DRD3: variants seen among roughly 807,000 people sequenced by gnomAD.
The protein encoded by DRD3 is dopamine receptor D3.
A neutral mutation model predicts 36.3 loss-of-function variants in DRD3; 19 were observed. The ratio of observed to expected loss-of-function variants is 0.52; its 90% CI spans 0.36 to 0.77. DRD3 has a LOEUF of 0.77. DRD3 is among the 30% of genes least tolerant of loss of function. The pLI is 0.00. For missense variants in DRD3, 465 were observed against 505.3 expected, an observed-to-expected ratio of 0.92 and a Z score of 0.77; for synonymous variants, 195 against 203.7, an observed-to-expected ratio of 0.96 and a Z score of 0.36.
chr3:114,190,644 T>C (rs2078006263), intron 1 of DRD3, among the ~76,000 whole-genome samples: 1 of 151,168 alleles, frequency 6.6e-6, no homozygotes. Context: ...GCAATAGTTA[T>C]ACTAATTTTA....
chr3:114,177,115 CACTTGTTCAGAG>C (rs1347519119), intron 1 of DRD3, among the ~76,000 whole-genome samples: 1 of 152,144 alleles, frequency 6.6e-6, no homozygotes, highest in Non-Finnish European at 1.5e-5. Flanking sequence ...TTTACAATCT[CACTTGTTCAGAG>C]TATGTGAACA....
At position 114,163,668 on chromosome 3, in the gene DRD3, G is replaced by T. The variant is rs1054896518; in HGVS notation, c.271-3801C>A. Among the ~76,000 whole-genome samples, 7 of 152,142 alleles carry T rather than the reference G, an allele frequency of 4.6e-5. No individual in the cohort carries two copies. In the East Asian group the frequency reaches 1.4e-3, roughly 29 times the overall value. On this transcript the variant is annotated intron_variant, in intron 2 of 6. Coordinates refer to ENST00000383673, the MANE Select transcript of DRD3 (RefSeq NM_000796.6). The stretch of plus-strand genomic sequence containing the variant: ...GTCCATCCATTACCCCTATAGCCAT[G>T]GTCTAATGAGTGCCCAAGATATGTC...
intron 1 of DRD3, among the ~76,000 whole-genome samples, chr3:114,187,062 T>C (rs1481840839): frequency 2.0e-5 from 3 of 152,218 alleles, no homozygotes; most frequent in South Asian, 2.1e-4. Flanking sequence ...TGTTTTATTC[T>C]AGGCATTTAG....
intron 5 of DRD3, among the ~76,000 whole-genome samples, chr3:114,133,537 C>T (rs1332813755): frequency 4.1e-5 from 1 of 24,430 alleles, no homozygotes; most frequent in Non-Finnish European, 1.2e-4. Flanking sequence ...AAAGAAAACC[C>T]AGGATTTTCT....
At chr3:114,164,220 C>CAAAAAAAAAAAAAAAA (rs34500434) in intron 2 of DRD3, among the ~76,000 whole-genome samples, 15 of 17,772 alleles carry the variant, frequency 8.4e-4, no homozygotes, top group African/African-American at 1.2e-3. Context: ...GCCTCAGTCT[C>CAAAAAAAAAAAAAAAA]AAAAAAAAAA....
chr3:114,164,019 G>A (rs1225544455), intron 2 of DRD3, among the ~76,000 whole-genome samples: 6 of 151,628 alleles, frequency 4.0e-5, no homozygotes, highest in South Asian at 2.1e-4. Context: ...TCAGGAGTTC[G>A]AGACCAGCCT....
At chr3:114,153,928 T>C (rs2077641677) in intron 3 of DRD3, among the ~76,000 whole-genome samples, 2 of 152,338 alleles carry the variant, frequency 1.3e-5, no homozygotes, top group Non-Finnish European at 2.9e-5. Flanking sequence ...ACATGCTAAA[T>C]AAATGTTAAC....
rs184395397 is a variant in DRD3, at chr3:114,147,230, G to A, written c.526+185C>T. On this transcript the variant is annotated intron_variant, in intron 4 of 6. Transcript: ENST00000383673. ...TACCCCCTGTGCCAATAATTGATGA[G>A]GTTTTGCTTTATATTTTATTTATAA... Among the ~76,000 whole-genome samples the A allele has an allele frequency of 6.3e-4, 95 of 151,974 alleles. 2 individuals are homozygous for A. In the East Asian group the frequency reaches 0.011, roughly 17 times the overall value.
Position 114,171,892 on chromosome 3 carries a change from A to G in DRD3, c.101T>C (p.Leu34Pro). The G allele has an allele frequency of 6.2e-7, 1 of 1,611,768 alleles. No individual in the cohort carries two copies. Among genetic ancestry groups the G allele is most frequent in the Non-Finnish European group, 8.5e-7 (1 of 1,178,732 alleles). Residue 34 changes from leucine to proline, a missense_variant, in exon 2 of 7, where the codon CTC becomes CCC. Transcript: ENST00000383673. ...SQARPHAYYA[L>P]SYCALILAIV... Reference sequence around the variant, plus strand: ...GGCCAGGATGAGCGCGCAGTAGGAGAGGGCATAGTAGGCATGTGGGCGGGC... The same window carrying G: ...GGCCAGGATGAGCGCGCAGTAGGAGGGGGCATAGTAGGCATGTGGGCGGGC...
chr3:114,161,094 A>G (rs2077728085), intron 2 of DRD3, among the ~76,000 whole-genome samples: 3 of 152,106 alleles, frequency 2.0e-5, no homozygotes, highest in African/African-American at 7.2e-5. Context: ...GGCTTTGTGC[A>G]GTTACCAGCT....
chr3:114,144,802 AAGAC>A (rs1438826037), intron 4 of DRD3, among the ~76,000 whole-genome samples: 9 of 152,206 alleles, frequency 5.9e-5, no homozygotes, highest in African/African-American at 1.7e-4. Flanking sequence ...TTAAATGTAA[AAGAC>A]AGAGCGATTG....
At chr3:114,149,875 T>C (rs2077601705) in intron 3 of DRD3, among the ~76,000 whole-genome samples, 1 of 152,184 alleles carries the variant, frequency 6.6e-6, no homozygotes, top group Non-Finnish European at 1.5e-5. Context: ...TGAGTGAGTG[T>C]GGATGAGGAC....
At chr3:114,132,211 G>T (rs556036592) in intron 5 of DRD3, among the ~76,000 whole-genome samples, 6 of 152,168 alleles carry the variant, frequency 3.9e-5, no homozygotes, top group Non-Finnish European at 7.3e-5. Context: ...ATACACTATA[G>T]AATACTATGC....
intron 3 of DRD3, among the ~76,000 whole-genome samples, chr3:114,156,743 TTTTCTTTCTTTCTTTCTTTCTTTCTTTC>T (rs1158303889): frequency 9.7e-5 from 2 of 20,690 alleles, no homozygotes; most frequent in African/African-American, 1.9e-4. Context: ...CTTTCTTTCT[TTTTCTTTCTTTCTTTCTTTCTTTCTTTC>T]TTTCTTTCTT....
chr3:114,189,436 T>C (rs182663812), intron 1 of DRD3, among the ~76,000 whole-genome samples: 1 of 152,312 alleles, frequency 6.6e-6, no homozygotes, highest in East Asian at 1.9e-4. Context: ...TTCCCTTATT[T>C]GGAAAAGATG....
chr3:114,184,962 G>A (rs1166917677), intron 1 of DRD3, among the ~76,000 whole-genome samples: 1 of 152,142 alleles, frequency 6.6e-6, no homozygotes, highest in African/African-American at 2.4e-5. Context: ...ACTACCTGAT[G>A]GGCCAAAGTT....
At chr3:114,152,646 G>A (rs2077628257) in intron 3 of DRD3, among the ~76,000 whole-genome samples, 1 of 152,222 alleles carries the variant, frequency 6.6e-6, no homozygotes, top group Admixed American at 6.5e-5. Context: ...CAGCACGGCT[G>A]GGGTGAGAAG....
At chr3:114,192,999 G>A (rs1485572782) in intron 1 of DRD3, among the ~76,000 whole-genome samples, 1 of 152,170 alleles carries the variant, frequency 6.6e-6, no homozygotes. Context: ...AAAAAAGAAG[G>A]CCGGGCCTGG....
chr3:114,184,757 T>C (rs975401339), intron 1 of DRD3, among the ~76,000 whole-genome samples: 16 of 152,048 alleles, frequency 1.1e-4, no homozygotes, highest in African/African-American at 3.1e-4. Flanking sequence ...AAAGACAGGG[T>C]ATTGCCATGT....
Sources: allele counts gnomAD v4.1 joint callset (sites outside exome capture counted in the v4.1 genomes callset), GRCh38; gene constraint gnomAD v4.1.1; transcripts MANE v1.5; gene names NCBI Gene and HGNC (gene_info 2026-07-23, HGNC 2026-07-21).